ROBO2: variants seen among roughly 807,000 people sequenced by gnomAD.
ROBO2 encodes the protein roundabout homolog 2.
Under a neutral mutation model 160.8 loss-of-function variants are expected in ROBO2, and 53 were observed. That is an observed-to-expected ratio of 0.33 (90% CI 0.26 to 0.41). The LOEUF is 0.41. Ranked by LOEUF, ROBO2 falls within the 10% of genes least tolerant of loss-of-function variation. The pLI is 1.00. For synonymous variants in ROBO2, 664 were observed against 611.7 expected, an observed-to-expected ratio of 1.09 and a Z score of -1.26; for missense variants, 1,577 against 1,722.4, an observed-to-expected ratio of 0.92 and a Z score of 1.49.
At chr3:76,503,011 TGTGTGTGTGCGC>T (rs201139672) in intron 2 of ROBO2, among the ~76,000 whole-genome samples, 4,832 of 151,784 alleles carry the variant, frequency 0.032, 274 homozygotes, top group African/African-American at 0.11. Context: ...TGTGTGTGTG[TGTGTGTGTGCGC>T]GCGCACGCAT....
At chr3:77,470,278 A>G (rs1418394967) in intron 2 of ROBO2, among the ~76,000 whole-genome samples, 1 of 152,232 alleles carries the variant, frequency 6.6e-6, no homozygotes, top group Non-Finnish European at 1.5e-5. Context: ...CATTTTAGCT[A>G]ACTCATAATA....
intron 2 of ROBO2, among the ~76,000 whole-genome samples, chr3:76,269,041 G>A (rs1707266703): frequency 6.6e-6 from 1 of 151,910 alleles, no homozygotes; most frequent in Non-Finnish European, 1.5e-5. Context: ...AGGAGGTGGG[G>A]ATGGTTAATG....
At chr3:77,318,648 T>G (rs1218536784) in intron 2 of ROBO2, among the ~76,000 whole-genome samples, 2 of 152,192 alleles carry the variant, frequency 1.3e-5, no homozygotes, top group Non-Finnish European at 2.9e-5. Flanking sequence ...CACAAATTAC[T>G]TAAACCTCGA....
At chr3:76,392,085 C>T (rs867606812) in intron 2 of ROBO2, among the ~76,000 whole-genome samples, 4 of 152,228 alleles carry the variant, frequency 2.6e-5, no homozygotes, top group East Asian at 1.9e-4. Context: ...TTATTTTCTA[C>T]ATGGCAGTGA....
At chr3:77,646,146 T>A in exon 26 of ROBO2, 1 of 888,408 alleles carries the variant, frequency 1.1e-6, no homozygotes, top group Non-Finnish European at 1.7e-6. Flanking sequence ...ATGAACAATT[T>A]ATTTATGTAC....
intron 2 of ROBO2, among the ~76,000 whole-genome samples, chr3:76,579,358 C>T (rs897352040): frequency 4.6e-5 from 7 of 152,096 alleles, no homozygotes; most frequent in Non-Finnish European, 8.8e-5. Context: ...TTACAGTTTA[C>T]AGCTATGTTT....
intron 2 of ROBO2, among the ~76,000 whole-genome samples, chr3:77,203,515 T>C (rs2083116649): frequency 6.6e-6 from 1 of 152,220 alleles, no homozygotes; most frequent in African/African-American, 2.4e-5. Context: ...AAGCCAATGA[T>C]GGTGCTGAAA....
At position 77,602,638 on chromosome 3, in the gene ROBO2, G is replaced by A. The variant is rs1289332491; in HGVS notation, c.3136+147G>A. On this transcript the variant is annotated intron_variant, in intron 20 of 25. Transcript: ENST00000461745. ...GATACCAGCATGTTTCCAGTAACTTGAGTAATTCCTACCACCACCACCGCC... is the reference window on the plus strand; with the variant it reads ...GATACCAGCATGTTTCCAGTAACTTAAGTAATTCCTACCACCACCACCGCC... 3 of 960,488 alleles carry A rather than the reference G, an allele frequency of 3.1e-6. No homozygotes were observed. The African/African-American group carries it at 4.9e-5, about 16-fold the overall frequency. 59.5% of individuals were successfully genotyped at this position (960,488 alleles called of 1,614,324 possible). A position where few individuals can be genotyped will look rare whatever the true frequency, so the allele number is the denominator to read the frequency against.
At chr3:76,221,255 G>T (rs145791314) in intron 2 of ROBO2, among the ~76,000 whole-genome samples, 1 of 152,162 alleles carries the variant, frequency 6.6e-6, no homozygotes, top group African/African-American at 2.4e-5. Flanking sequence ...TCAGGGTGAT[G>T]GTGAGTAGTG....
intron 1 of ROBO2, among the ~76,000 whole-genome samples, chr3:75,914,522 T>C (rs748097075): frequency 1.2e-4 from 18 of 152,202 alleles, no homozygotes; most frequent in Non-Finnish European, 2.2e-4. Context: ...CATTTAACAA[T>C]GTCGAAGAAA....
chr3:76,757,944 T>C (rs1003240975), intron 2 of ROBO2, among the ~76,000 whole-genome samples: 9 of 151,696 alleles, frequency 5.9e-5, no homozygotes, highest in Admixed American at 5.9e-4. Flanking sequence ...TAAGGTGACT[T>C]TAAGGGAGAA....
chr3:77,523,353 A>C (rs929885127), intron 6 of ROBO2, among the ~76,000 whole-genome samples: 1 of 151,336 alleles, frequency 6.6e-6, no homozygotes, highest in African/African-American at 2.4e-5. Flanking sequence ...AATCTGAAAA[A>C]ACTAGCAATG....
chr3:77,089,673 C>T (rs2069856440), intron 1 of ROBO2, among the ~76,000 whole-genome samples: 1 of 152,102 alleles, frequency 6.6e-6, no homozygotes, highest in Non-Finnish European at 1.5e-5. Flanking sequence ...TAGGAAGTCT[C>T]CTGAGAGAGT....
intron 2 of ROBO2, among the ~76,000 whole-genome samples, chr3:77,257,679 T>A (rs2058511627): frequency 6.6e-6 from 1 of 152,174 alleles, no homozygotes; most frequent in Admixed American, 6.5e-5. Context: ...CAACATTAGC[T>A]TAGCATAGGA....
chr3:76,907,159 G>T (rs562104445), intron 2 of ROBO2, among the ~76,000 whole-genome samples: 1 of 152,220 alleles, frequency 6.6e-6, no homozygotes, highest in East Asian at 1.9e-4. Flanking sequence ...TAAGGCAGAG[G>T]GTGGTAGAGA....
chr3:76,467,840 T>C (rs9828493), intron 2 of ROBO2, among the ~76,000 whole-genome samples: 48,449 of 152,012 alleles, frequency 0.32, 8,127 homozygotes, highest in East Asian at 0.43. Context: ...TCTTAAGCAA[T>C]AGCATGTTGC....
At chr3:76,272,220 C>T (rs1053261496) in intron 2 of ROBO2, among the ~76,000 whole-genome samples, 2 of 152,030 alleles carry the variant, frequency 1.3e-5, no homozygotes, top group Non-Finnish European at 2.9e-5. Context: ...AGCATTATGA[C>T]CCAGGCATAA....
At chr3:76,657,007 C>G (rs753552456) in intron 2 of ROBO2, among the ~76,000 whole-genome samples, 2 of 152,184 alleles carry the variant, frequency 1.3e-5, no homozygotes, top group African/African-American at 2.4e-5. Context: ...AATCAAGTCT[C>G]TAAGCACCTT....
chr3:76,974,121 A>C (rs141448770), intron 2 of ROBO2, among the ~76,000 whole-genome samples: 45 of 152,290 alleles, frequency 3.0e-4, no homozygotes, highest in African/African-American at 1.1e-3. Flanking sequence ...ATAGCAAATA[A>C]AATTATCTTT....
Sources: gnomAD v4.1 joint callset for allele counts (sites outside exome capture counted in the v4.1 genomes callset) on GRCh38, gnomAD v4.1.1 for gene constraint, MANE v1.5 for transcripts, NCBI Gene and HGNC (gene_info 2026-07-23, HGNC 2026-07-21) for gene names.